The following CACNA1B variants were observed in gnomAD, a reference collection of about 807,000 sequenced individuals.
CACNA1B encodes calcium voltage-gated channel subunit alpha1 B, also known as voltage-dependent N-type calcium channel subunit alpha-1B.
In CACNA1B, 70 loss-of-function variants were observed where a neutral mutation model predicts 247.2. The ratio of observed to expected loss-of-function variants is 0.28; its 90% CI spans 0.23 to 0.35. CACNA1B has a LOEUF of 0.35. Among genes scored for constraint, CACNA1B ranks in the 10% least tolerant of loss-of-function variants. The pLI is 1.00. For missense variants in CACNA1B, 2,367 were observed against 3,197.4 expected (o/e 0.74, Z 6.26); for synonymous variants, 1,231 against 1,294.4 (o/e 0.95, Z 1.05).
intron 31 of CACNA1B, among the ~76,000 whole-genome samples, chr9:138,066,848 CAG>C (rs1312542309): frequency 1.3e-5 from 2 of 151,808 alleles, no homozygotes; most frequent in African/African-American, 4.8e-5. Flanking sequence ...AAAAGAACAA[CAG>C]AATAAGCTCA....
intron 26 of CACNA1B, among the ~76,000 whole-genome samples, chr9:138,056,811 GTTT>G (rs1176414296): frequency 6.6e-6 from 1 of 151,968 alleles, no homozygotes. Flanking sequence ...TCTCGTGGTG[GTTT>G]TTATTTGCCT....
chr9:138,011,752 C>G lies in CACNA1B; in HGVS notation c.2161-1377C>G, dbSNP rs559343685. 2.4e-4 allele frequency among the ~76,000 whole-genome samples: 36 copies of G among 152,298 alleles called. No individual in the cohort carries two copies. Among genetic ancestry groups the G allele is most frequent in the African/African-American group, 8.7e-4 (36 of 41,550 alleles). On this transcript the variant is annotated intron_variant, in intron 17 of 46. Transcript: ENST00000371372. This position sits in a 1 kb window ranked among gnomAD's most constrained non-coding sequence, Gnocchi z 4.2. ...CTCTCTGGGCTTGAAGTTCGAAGGT[C>G]TCTCCTCTGTGGAGGGAAATTCGCA...
intron 6 of CACNA1B, among the ~76,000 whole-genome samples, chr9:137,926,401 A>G (rs1288621922): frequency 6.6e-6 from 1 of 152,060 alleles, no homozygotes; most frequent in Non-Finnish European, 1.5e-5. Flanking sequence ...GTAATATTCC[A>G]TTGTATGACA....
chr9:138,056,419 G>C (rs988164455), intron 26 of CACNA1B, among the ~76,000 whole-genome samples: 8 of 152,198 alleles, frequency 5.3e-5, no homozygotes, highest in Admixed American at 3.3e-4. Flanking sequence ...CTTGTTCCTT[G>C]TTACGGCTGA....
At position 138,100,587 on chromosome 9, in the gene CACNA1B, A is replaced by G. The variant is rs921072022; in HGVS notation, c.5223-2124A>G. On this transcript the variant is annotated intron_variant, in intron 37 of 46. Coordinates refer to ENST00000371372, the MANE Select transcript of CACNA1B (RefSeq NM_000718.4). This position sits in a 1 kb window ranked among gnomAD's most constrained non-coding sequence, Gnocchi z 4.6. Reference sequence around the variant, plus strand: ...AGGGGGCTACACTGTAGGAGAGAGGAGCATTGGTGGTGATCCAAGGATGCC... The same window carrying G: ...AGGGGGCTACACTGTAGGAGAGAGGGGCATTGGTGGTGATCCAAGGATGCC... Among the ~76,000 whole-genome samples, 1 of 152,102 alleles carries G rather than the reference A, an allele frequency of 6.6e-6. No homozygotes were observed. Among genetic ancestry groups the G allele is most frequent in the African/African-American group, 2.4e-5 (1 of 41,406 alleles).
chr9:137,963,046 T>C (rs1958037466), intron 10 of CACNA1B, among the ~76,000 whole-genome samples: 1 of 152,222 alleles, frequency 6.6e-6, no homozygotes, highest in Admixed American at 6.5e-5. Flanking sequence ...AGAACTTGCT[T>C]CATGAATCTG....
chr9:138,084,067 G>A (rs752673358), intron 36 of CACNA1B, among the ~76,000 whole-genome samples: 45 of 150,388 alleles, frequency 3.0e-4, no homozygotes, highest in African/African-American at 4.9e-4. Context: ...CCCCCACCCC[G>A]CCCAGGAGTA....
intron 15 of CACNA1B, among the ~76,000 whole-genome samples, chr9:138,000,917 CT>C (rs1261531346): frequency 1.1e-4 from 17 of 152,188 alleles, no homozygotes; most frequent in African/African-American, 3.6e-4. Flanking sequence ...TTTATTTGTG[CT>C]TTTTTTCCCT....
intron 20 of CACNA1B, among the ~76,000 whole-genome samples, chr9:138,030,968 T>TA (rs1958981046): frequency 6.6e-6 from 1 of 152,174 alleles, no homozygotes; most frequent in South Asian, 2.1e-4. Flanking sequence ...GGAGTTTGTA[T>TA]AATTTTATTG....
chr9:137,918,092 G>A (rs569710596), intron 6 of CACNA1B, among the ~76,000 whole-genome samples: 76 of 152,330 alleles, frequency 5.0e-4, no homozygotes, highest in Admixed American at 4.8e-3. Context: ...CCTTCATGCC[G>A]AGTCTGTCTG....
chr9:138,079,421 C>T (rs923507468), intron 36 of CACNA1B, among the ~76,000 whole-genome samples: 6 of 151,998 alleles, frequency 3.9e-5, no homozygotes, highest in Non-Finnish European at 7.4e-5. Context: ...ACCATATTGA[C>T]GGAAGGTGAT....
At position 138,006,764 on chromosome 9, in the gene CACNA1B, C is replaced by T. The variant is rs1257162878; in HGVS notation, c.1975-3C>T. Reference sequence around the variant, plus strand: ...TTGCCCTGTGTTCTCTCCATCCTGGCAGATCCTGACGGGAGAGGACTGGAA... The same window carrying T: ...TTGCCCTGTGTTCTCTCCATCCTGGTAGATCCTGACGGGAGAGGACTGGAA... On this transcript the variant is annotated splice_region_variant and splice_polypyrimidine_tract_variant and intron_variant, in intron 15 of 46. Transcript: ENST00000371372. The T allele has an allele frequency of 1.9e-6, 3 of 1,567,356 alleles. No homozygotes were observed. The highest frequency in any genetic ancestry group is 2.6e-6 in the Non-Finnish European group (3 of 1,138,018).
chr9:138,042,805 C>G (rs1054700493), intron 20 of CACNA1B, among the ~76,000 whole-genome samples: 1 of 152,186 alleles, frequency 6.6e-6, no homozygotes, highest in African/African-American at 2.4e-5. Context: ...CCCTTCTCTG[C>G]AGGACCTCAA....
At chr9:137,918,092 G>T (rs569710596) in intron 6 of CACNA1B, among the ~76,000 whole-genome samples, 1 of 152,212 alleles carries the variant, frequency 6.6e-6, no homozygotes, top group Non-Finnish European at 1.5e-5. Flanking sequence ...CCTTCATGCC[G>T]AGTCTGTCTG....
At position 137,917,243 on chromosome 9, in the gene CACNA1B, G is replaced by A; in HGVS notation, c.778G>A (p.Ala260Thr). 1 of 1,611,750 alleles carries A rather than the reference G, an allele frequency of 6.2e-7. No homozygotes were observed. Among genetic ancestry groups the A allele is most frequent in the South Asian group, 1.1e-5 (1 of 90,766 alleles). Residue 260 changes from alanine to threonine, a missense_variant and splice_region_variant, in exon 6 of 47, where the codon GCG becomes ACG. Physicochemically the swap from Ala to Thr is moderately conservative, Grantham distance 58. Coordinates refer to ENST00000371372, the MANE Select transcript of CACNA1B (RefSeq NM_000718.4). This position sits in a 1 kb window ranked among gnomAD's most constrained non-coding sequence, Gnocchi z 5.5. The stretch of plus-strand genomic sequence containing the variant: ...CTGCTTCATTCTCCTTCTTGCAGAT[G>A]CGGAGCCCGTGGGTGACTTCCCCTG... ...HKACFPNSTDAEPVGDFPCGK... is the reference protein window; with the variant it reads ...HKACFPNSTDTEPVGDFPCGK...
In CACNA1B at chr9:137,957,796, A is replaced by T. The variant is rs761560724; in HGVS notation, c.1333+109A>T. The T allele has an allele frequency of 1.8e-5, 12 of 684,018 alleles. No homozygotes were observed. The highest frequency in any genetic ancestry group is 3.1e-5 in the Admixed American group (1 of 32,112). 42.4% of individuals were successfully genotyped at this position (684,018 alleles called of 1,614,324 possible). A position where few individuals can be genotyped will look rare whatever the true frequency, so the allele number is the denominator to read the frequency against. ...CTGTTGGACGCCCCTTCTTGCCCAA[A>T]CGCCTGCAGGCTCCTTTCAGACAGT... On this transcript the variant is annotated intron_variant, in intron 10 of 46. Coordinates refer to ENST00000371372, the MANE Select transcript of CACNA1B (RefSeq NM_000718.4). The surrounding 1 kb of genome is among the most constrained non-coding windows in gnomAD (Gnocchi z 4.7).
At chr9:138,084,990 C>T (rs1049197948) in intron 36 of CACNA1B, among the ~76,000 whole-genome samples, 4 of 149,068 alleles carry the variant, frequency 2.7e-5, no homozygotes, top group African/African-American at 1.0e-4. Flanking sequence ...CTGACATCAC[C>T]CAAGGAACAT....
At chr9:138,065,394 G>C (rs762732979) in intron 31 of CACNA1B, among the ~76,000 whole-genome samples, 1 of 152,094 alleles carries the variant, frequency 6.6e-6, no homozygotes. Flanking sequence ...GAGTACCATC[G>C]TGGAAAGCAT....
At chr9:137,984,028 C>T (rs1001256029) in intron 12 of CACNA1B, 110 bp from the exon 13 acceptor site, 13 of 749,054 alleles carry the variant, frequency 1.7e-5, no homozygotes, top group East Asian at 2.7e-5. Flanking sequence ...GACAAGGAAG[C>T]AGGATGGTTC....
Sources: allele counts gnomAD v4.1 joint callset (sites outside exome capture counted in the v4.1 genomes callset), GRCh38; gene constraint gnomAD v4.1.1; non-coding constraint Gnocchi (gnomAD v3.1); transcripts MANE v1.5; gene names NCBI Gene and HGNC (gene_info 2026-07-23, HGNC 2026-07-21).